LITAF: variants seen among roughly 807,000 people sequenced by gnomAD.
The protein encoded by LITAF is lipopolysaccharide induced TNF factor, also known as lipopolysaccharide-induced tumor necrosis factor-alpha factor.
A neutral mutation model predicts 14.5 loss-of-function variants in LITAF; 9 were observed. The observed-to-expected ratio is 0.62, with a 90% CI of 0.37 to 1.08. LITAF has a LOEUF of 1.08. Among genes scored for constraint, LITAF ranks in the 50% least tolerant of loss-of-function variants. The pLI, the probability that LITAF is intolerant of heterozygous loss-of-function variation, is 0.01. For synonymous variants in LITAF, 98 were observed against 88.2 expected, an observed-to-expected ratio of 1.11 and a Z score of -0.62; for missense variants, 206 against 213.4, an observed-to-expected ratio of 0.97 and a Z score of 0.22.
rs1555469756 is a variant in LITAF, at chr16:11,576,554, A to AAAAAAAAAAAAAAAAAAAAAAAAGAC, written c.-6+10331_-6+10332insGTCTTTTTTTTTTTTTTTTTTTTTTT. On this transcript the variant is annotated intron_variant, in intron 1 of 3. Coordinates refer to ENST00000622633, the MANE Select transcript of LITAF (RefSeq NM_001136472.2). ...ATCTGCAAAAAAAAAAAAAAAAAAA[A>AAAAAAAAAAAAAAAAAAAAAAAAGAC]AGAGAGAGAGAAAGAGAAAAAGAGA... Among the ~76,000 whole-genome samples the AAAAAAAAAAAAAAAAAAAAAAAAGAC allele has an allele frequency of 6.9e-5, 8 of 116,656 alleles. 2 individuals carry two copies. The highest frequency in any genetic ancestry group is 2.0e-4 in the African/African-American group (6 of 29,948). The allele number at this position is 116,656 out of a possible 152,430, so 76.5% of individuals were successfully genotyped here. A position where few individuals can be genotyped will look rare whatever the true frequency, so the allele number is the denominator to read the frequency against.
chr16:11,576,648 A>T (rs2064641482), intron 1 of LITAF, among the ~76,000 whole-genome samples: 1 of 151,674 alleles, frequency 6.6e-6, no homozygotes. Context: ...ACAGTCCAAC[A>T]TGGGGCTGAT....
At chr16:11,576,792 G>A (rs1156345094) in intron 1 of LITAF, among the ~76,000 whole-genome samples, 1 of 152,144 alleles carries the variant, frequency 6.6e-6, no homozygotes, top group African/African-American at 2.4e-5. Flanking sequence ...TCTGAGTGAG[G>A]TAAACAGGCT....
intron 1 of LITAF, among the ~76,000 whole-genome samples, chr16:11,565,043 G>C (rs575500937): frequency 7.7e-5 from 11 of 143,230 alleles, no homozygotes; most frequent in Non-Finnish European, 1.4e-4. Flanking sequence ...TTGCTCTGTC[G>C]CTCAGGCTGG....
chr16:11,625,236 G>A (rs1382561697), intron 3 of LITAF, among the ~76,000 whole-genome samples: 1 of 151,742 alleles, frequency 6.6e-6, no homozygotes, highest in Non-Finnish European at 1.5e-5. Flanking sequence ...GATGGTGGGT[G>A]GTGTCTCCCG....
chr16:11,593,033 T>TGA, intron 1 of LITAF, among the ~76,000 whole-genome samples: 1 of 152,044 alleles, frequency 6.6e-6, no homozygotes. Context: ...TAGCCGGGCG[T>TGA]TATGGCAGGC....
At chr16:11,551,848 G>C in intron 3 of LITAF, 1 of 513,630 alleles carries the variant, frequency 1.9e-6, no homozygotes, top group South Asian at 2.6e-5. Context: ...AACAAAACAA[G>C]TTTCTATTCC....
At chr16:11,573,024 G>GT (rs1354310054) in intron 1 of LITAF, among the ~76,000 whole-genome samples, 1 of 151,220 alleles carries the variant, frequency 6.6e-6, no homozygotes, top group Non-Finnish European at 1.5e-5. Flanking sequence ...CGCCTCCCAG[G>GT]TTCAAGCAAT....
intron 1 of LITAF, among the ~76,000 whole-genome samples, chr16:11,577,265 C>T (rs567611068): frequency 9.9e-5 from 15 of 151,956 alleles, no homozygotes; most frequent in African/African-American, 2.7e-4. Flanking sequence ...TATGGCACAT[C>T]TATCCCATCT....
chr16:11,567,415 G>A (rs530991695), intron 1 of LITAF, among the ~76,000 whole-genome samples: 9 of 147,004 alleles, frequency 6.1e-5, no homozygotes, highest in Non-Finnish European at 9.0e-5. Context: ...GCAAGACTCC[G>A]TCTGGAAAAA....
intron 3 of LITAF, among the ~76,000 whole-genome samples, chr16:11,630,264 A>C (rs2065109754): frequency 6.6e-6 from 1 of 152,022 alleles, no homozygotes; most frequent in Non-Finnish European, 1.5e-5. Flanking sequence ...TGACTGATCG[A>C]TTGGTTTGGG....
chr16:11,589,557 A>G (rs1208598646), upstream of LITAF, among the ~76,000 whole-genome samples: 1 of 152,060 alleles, frequency 6.6e-6, no homozygotes, highest in African/African-American at 2.4e-5. Context: ...AATACCTATT[A>G]GAGCTAATAA....
chr16:11,622,188 T>C (rs2065054796), intron 3 of LITAF, among the ~76,000 whole-genome samples: 1 of 152,118 alleles, frequency 6.6e-6, no homozygotes, highest in Non-Finnish European at 1.5e-5. Context: ...GGTGCCACCA[T>C]AAGCCAGGCG....
At chr16:11,620,761 G>A (rs1007911453) in intron 3 of LITAF, among the ~76,000 whole-genome samples, 1 of 152,214 alleles carries the variant, frequency 6.6e-6, no homozygotes, top group African/African-American at 2.4e-5. Context: ...CAGACAATAG[G>A]GAGTGGTGGG....
intron 2 of LITAF, 123 bp downstream of exon 2, chr16:11,556,388 G>A (rs1174059962): frequency 1.3e-6 from 1 of 772,976 alleles, no homozygotes; most frequent in Admixed American, 2.8e-5. Flanking sequence ...AAGGTAAGGG[G>A]GTAAAACTGG....
At chr16:11,609,546 G>A (rs866035657) in intron 3 of LITAF, among the ~76,000 whole-genome samples, 5 of 151,966 alleles carry the variant, frequency 3.3e-5, no homozygotes, top group South Asian at 2.1e-4. Context: ...TGAATTGTCC[G>A]GTATGTAAAT....
chr16:11,638,008 A>C (rs1350284171), upstream of LITAF, among the ~76,000 whole-genome samples: 98 of 112,602 alleles, frequency 8.7e-4, 4 homozygotes, highest in African/African-American at 4.5e-3. Flanking sequence ...ATATATCTAT[A>C]TATATCTATA....
intron 2 of LITAF, among the ~76,000 whole-genome samples, chr16:11,555,736 C>T (rs186780624): frequency 2.0e-5 from 3 of 152,182 alleles, no homozygotes; most frequent in Admixed American, 6.5e-5. Context: ...GTCATTATCT[C>T]ATCCTCTTCC....
At chr16:11,618,210 GTT>G (rs1342475922) in intron 3 of LITAF, among the ~76,000 whole-genome samples, 1 of 152,108 alleles carries the variant, frequency 6.6e-6, no homozygotes, top group Non-Finnish European at 1.5e-5. Context: ...AGCTATTTTT[GTT>G]TCTTCTCTCC....
chr16:11,553,733 A>T lies in LITAF; in HGVS notation c.221-44T>A, dbSNP rs769713215. 5.0e-6 allele frequency: 8 copies of T among 1,609,022 alleles called. No individual in the cohort carries two copies. The highest frequency in any genetic ancestry group is 1.3e-5 in the African/African-American group (1 of 74,850). On this transcript the variant is annotated intron_variant, in intron 2 of 3. Transcript: ENST00000622633. The surrounding 1 kb of genome is among the most constrained non-coding windows in gnomAD (Gnocchi z 7.7). Reference sequence around the variant, plus strand: ...ACAAACACAGGTTGCTCAGGAAACAAGGCCAATAGCATTCACTACAGGACA... The same window carrying T: ...ACAAACACAGGTTGCTCAGGAAACATGGCCAATAGCATTCACTACAGGACA...
Sources: gnomAD v4.1 joint callset for allele counts (sites outside exome capture counted in the v4.1 genomes callset) on GRCh38, gnomAD v4.1.1 for gene constraint, Gnocchi (gnomAD v3.1) non-coding constraint, MANE v1.5 for transcripts, NCBI Gene and HGNC (gene_info 2026-07-23, HGNC 2026-07-21) for gene names.